Variants in TMEM178B observed in about 807,000 individuals in gnomAD.
The protein encoded by TMEM178B is transmembrane protein 178B.
In TMEM178B, 5 loss-of-function variants were observed where a neutral mutation model predicts 31.0. That is an observed-to-expected ratio of 0.16 (90% CI 0.08 to 0.34). The LOEUF (loss-of-function observed/expected upper bound fraction) is 0.34, where lower values mean the gene tolerates loss of function less well. Ranked by LOEUF, TMEM178B falls within the 10% of genes least tolerant of loss-of-function variation. TMEM178B has a pLI of 1.00. For synonymous variants in TMEM178B, 164 were observed against 164.0 expected, an observed-to-expected ratio of 1.00 and a Z score of 0.00; for missense variants, 275 against 400.3, an observed-to-expected ratio of 0.69 and a Z score of 2.67.
intron 2 of TMEM178B, among the ~76,000 whole-genome samples, chr7:141,303,390 G>A (rs1163923897): frequency 2.0e-5 from 3 of 152,166 alleles, no homozygotes; most frequent in East Asian, 3.8e-4. Context: ...TCCAATTAAG[G>A]GGAGATTCAG....
intron 2 of TMEM178B, among the ~76,000 whole-genome samples, chr7:141,404,619 C>T (rs1159976211): frequency 2.0e-5 from 3 of 152,104 alleles, no homozygotes; most frequent in East Asian, 3.9e-4. Context: ...CCCTGGATCC[C>T]GGACGACTTA....
rs115958022 is a variant in TMEM178B, at chr7:141,407,797, T to G, written c.497-29811T>G. Among the ~76,000 whole-genome samples the G allele has an allele frequency of 8.6e-3, 1,312 of 152,336 alleles. 16 individuals are homozygous for G. The highest frequency in any genetic ancestry group is 0.03 in the African/African-American group (1,249 of 41,566). On this transcript the variant is annotated intron_variant, in intron 2 of 3. Coordinates refer to ENST00000565468, the MANE Select transcript of TMEM178B (RefSeq NM_001195278.2). ...TGTCTTTTTATAGCATTTGTTGAAA[T>G]GAAATTTTATCTAGATTTTCACAGA...
In TMEM178B at chr7:141,318,340, A is replaced by T. The variant is rs1033502658; in HGVS notation, c.496+105636A>T. Among the ~76,000 whole-genome samples, 1 of 152,194 alleles carries T rather than the reference A, an allele frequency of 6.6e-6. No individual in the cohort carries two copies. Among genetic ancestry groups the T allele is most frequent in the African/African-American group, 2.4e-5 (1 of 41,450 alleles). On this transcript the variant is annotated intron_variant, in intron 2 of 3. Coordinates refer to ENST00000565468, the MANE Select transcript of TMEM178B (RefSeq NM_001195278.2). This position sits in a 1 kb window ranked among gnomAD's most constrained non-coding sequence, Gnocchi z 4.1. ...AGAGTGGGAATGGGGCTGCGAAATC[A>T]ATAATTGGGTGTTTTAATGCTACAA...
chr7:141,366,769 C>T (rs994917887), intron 2 of TMEM178B, among the ~76,000 whole-genome samples: 2 of 152,156 alleles, frequency 1.3e-5, no homozygotes, highest in Admixed American at 6.5e-5. Flanking sequence ...CCTCCCCTCT[C>T]CCACTCACGT....
chr7:141,263,860 A>AAT (rs1798054183), intron 2 of TMEM178B, among the ~76,000 whole-genome samples: 1 of 152,226 alleles, frequency 6.6e-6, no homozygotes, highest in African/African-American at 2.4e-5. Context: ...GGATGCATAG[A>AAT]ATGTACCAAA....
chr7:141,275,003 G>C (rs942004555), intron 2 of TMEM178B, among the ~76,000 whole-genome samples: 1 of 152,170 alleles, frequency 6.6e-6, no homozygotes, highest in African/African-American at 2.4e-5. Context: ...TCAAGAGCTA[G>C]CAATGTGGAG....
chr7:141,289,474 G>T (rs1798505891), intron 2 of TMEM178B, among the ~76,000 whole-genome samples: 1 of 152,148 alleles, frequency 6.6e-6, no homozygotes, highest in African/African-American at 2.4e-5. Flanking sequence ...CCAGCATTTT[G>T]GGAGACCGAG....
At chr7:141,324,229 A>C (rs551465006) in intron 2 of TMEM178B, among the ~76,000 whole-genome samples, 2 of 152,156 alleles carry the variant, frequency 1.3e-5, no homozygotes, top group South Asian at 4.1e-4. Flanking sequence ...TAGCCTGAAG[A>C]CAGGGCAAAC....
intron 2 of TMEM178B, 97 bp from the exon 3 acceptor site, chr7:141,437,511 G>A: frequency 2.7e-6 from 4 of 1,465,730 alleles, no homozygotes; most frequent in Non-Finnish European, 3.6e-6. Context: ...GCTCCTGGAG[G>A]GCCACTCCCT....
intron 1 of TMEM178B, among the ~76,000 whole-genome samples, chr7:141,131,430 G>A (rs1795593153): frequency 6.6e-6 from 1 of 152,090 alleles, no homozygotes; most frequent in Admixed American, 6.5e-5. Flanking sequence ...AAAATAAGAT[G>A]CAGAATGTTT....
In TMEM178B at chr7:141,344,978, T is replaced by C. The variant is rs1014660447; in HGVS notation, c.497-92630T>C. 6.6e-6 allele frequency among the ~76,000 whole-genome samples: 1 copy of C among 152,160 alleles called. No individual in the cohort carries two copies. The highest frequency in any genetic ancestry group is 2.4e-5 in the African/African-American group (1 of 41,418). ...AAGCATGAGTTAATAGCTAACAAGA[T>C]GTAGTAAAGAAATAGGTTCTACTTT... On this transcript the variant is annotated intron_variant, in intron 2 of 3. Coordinates refer to ENST00000565468, the MANE Select transcript of TMEM178B (RefSeq NM_001195278.2). The surrounding 1 kb of genome is among the most constrained non-coding windows in gnomAD (Gnocchi z 4.1).
At chr7:141,134,261 C>T (rs1795639209) in intron 1 of TMEM178B, among the ~76,000 whole-genome samples, 1 of 151,622 alleles carries the variant, frequency 6.6e-6, no homozygotes, top group Non-Finnish European at 1.5e-5. Context: ...AATAAAACAA[C>T]AACAACACAA....
intron 2 of TMEM178B, among the ~76,000 whole-genome samples, chr7:141,409,764 A>G (rs995352365): frequency 6.6e-6 from 1 of 150,382 alleles, no homozygotes; most frequent in African/African-American, 2.5e-5. Flanking sequence ...TTCATGGCTC[A>G]TGCACTTGAT....
chr7:141,087,409 A>G (rs1227007292), intron 1 of TMEM178B, among the ~76,000 whole-genome samples: 1 of 152,148 alleles, frequency 6.6e-6, no homozygotes, highest in Non-Finnish European at 1.5e-5. Context: ...CCCCTTTTAA[A>G]TTTCCTGCTG....
rs111942925 is a variant in TMEM178B, at chr7:141,157,427, GCACACA to G, written c.383-55154_383-55149del. ...CTCTCTTTCCTACTCCTGCGCGCGT[GCACACA>G]CACACACACGCACACACACACGCAC... is the stretch of plus-strand genomic sequence containing the variant. On this transcript the variant is annotated intron_variant, in intron 1 of 3. Coordinates refer to ENST00000565468, the MANE Select transcript of TMEM178B (RefSeq NM_001195278.2). 6.6e-4 allele frequency among the ~76,000 whole-genome samples: 99 copies of G among 150,600 alleles called. No homozygotes were observed. The East Asian group carries it at 6.8e-3, about 10-fold the overall frequency.
intron 1 of TMEM178B, among the ~76,000 whole-genome samples, chr7:141,122,391 C>T (rs1161756164): frequency 1.3e-5 from 2 of 152,164 alleles, no homozygotes; most frequent in African/African-American, 4.8e-5. Context: ...ATGGATTTAT[C>T]AATGGACAAT....
chr7:141,109,945 GCT>G lies in TMEM178B; in HGVS notation c.382+35266_382+35267del, dbSNP rs963214570. On this transcript the variant is annotated intron_variant, in intron 1 of 3. Transcript: ENST00000565468. ...GATAGAGCGAGACTCTGTCTCTGTC[GCT>G]CTCTCTCTCTCTAAAAAAAAAAGAC... is the stretch of plus-strand genomic sequence containing the variant. 5.2e-4 allele frequency among the ~76,000 whole-genome samples: 79 copies of G among 150,822 alleles called. 1 individual carries two copies. Among genetic ancestry groups the G allele is most frequent in the Middle Eastern group, 3.4e-3 (1 of 294 alleles).
At chr7:141,376,175 T>C (rs1270356480) in intron 2 of TMEM178B, among the ~76,000 whole-genome samples, 3 of 152,252 alleles carry the variant, frequency 2.0e-5, no homozygotes, top group African/African-American at 7.2e-5. Flanking sequence ...GGTAACCAAA[T>C]AGTCCCTGTT....
At chr7:141,308,146 A>G (rs1798848818) in intron 2 of TMEM178B, among the ~76,000 whole-genome samples, 1 of 152,208 alleles carries the variant, frequency 6.6e-6, no homozygotes, top group African/African-American at 2.4e-5. Flanking sequence ...TCACACATCA[A>G]ATAAATGTCA....
Sources: gnomAD v4.1 joint callset for allele counts (sites outside exome capture counted in the v4.1 genomes callset) on GRCh38, gnomAD v4.1.1 for gene constraint, Gnocchi (gnomAD v3.1) non-coding constraint, MANE v1.5 for transcripts, NCBI Gene and HGNC (gene_info 2026-07-23, HGNC 2026-07-21) for gene names.